The following CNTN1 variants were observed in gnomAD, a reference collection of about 807,000 sequenced individuals.
CNTN1 encodes the protein contactin-1.
CNTN1 carries 38 observed loss-of-function variants against 126.4 expected under a neutral mutation model. That is an observed-to-expected ratio of 0.30 (90% CI 0.23 to 0.39). The LOEUF is 0.39. Ranked by LOEUF, CNTN1 falls within the 10% of genes least tolerant of loss-of-function variation. The pLI, the probability that CNTN1 is intolerant of heterozygous loss-of-function variation, is 1.00. For missense variants in CNTN1, 1,009 were observed against 1,248.4 expected (o/e 0.81, Z 2.89); for synonymous variants, 413 against 422.6 (o/e 0.98, Z 0.28).
intron 1 of CNTN1, among the ~76,000 whole-genome samples, chr12:40,896,550 A>C (rs1944422000): frequency 6.6e-6 from 1 of 152,170 alleles, no homozygotes; most frequent in South Asian, 2.1e-4. Context: ...CTATGAACAT[A>C]GGCTCAGATT....
chr12:40,850,309 A>G (rs1359747854), intron 1 of CNTN1, among the ~76,000 whole-genome samples: 1 of 152,150 alleles, frequency 6.6e-6, no homozygotes, highest in East Asian at 1.9e-4. Flanking sequence ...AAGTTTCTAT[A>G]GACTAGGCCA....
chr12:40,889,829 A>G (rs1177708903), intron 1 of CNTN1, among the ~76,000 whole-genome samples: 1 of 152,188 alleles, frequency 6.6e-6, no homozygotes, highest in African/African-American at 2.4e-5. Context: ...GCCATTTATT[A>G]TCATTGGCAA....
chr12:40,871,857 G>A (rs1218455771), intron 1 of CNTN1, among the ~76,000 whole-genome samples: 2 of 151,962 alleles, frequency 1.3e-5, no homozygotes, highest in African/African-American at 4.8e-5. Context: ...AGATTTTTTG[G>A]CCAACTATGA....
intron 23 of CNTN1, among the ~76,000 whole-genome samples, chr12:41,054,588 C>T (rs2121054349): frequency 6.6e-6 from 1 of 152,090 alleles, no homozygotes; most frequent in East Asian, 1.9e-4. Context: ...CAGAACATAG[C>T]AGTTGCTCAA....
chr12:40,870,236 C>T (rs1443395459), intron 1 of CNTN1, among the ~76,000 whole-genome samples: 1 of 151,546 alleles, frequency 6.6e-6, no homozygotes, highest in African/African-American at 2.4e-5. Context: ...TTGACCAATA[C>T]ATACAGGTTC....
At position 41,016,679 on chromosome 12, in the gene CNTN1, T is replaced by A. The variant is rs748693151; in HGVS notation, c.2185-3T>A. On this transcript the variant is annotated splice_region_variant and splice_polypyrimidine_tract_variant and intron_variant, in intron 18 of 23. Transcript: ENST00000551295. Reference sequence around the variant, plus strand: ...CCTACTCAATCTTTTAATTTCTATTTAGCCTTTGTCAAGAGAATACCACTA... The same window carrying A: ...CCTACTCAATCTTTTAATTTCTATTAAGCCTTTGTCAAGAGAATACCACTA... 1 of 1,590,622 alleles carries A rather than the reference T, an allele frequency of 6.3e-7. No homozygotes were observed. The highest frequency in any genetic ancestry group is 1.1e-5 in the South Asian group (1 of 90,608).
At chr12:41,058,572 G>A (rs1350594376) in intron 23 of CNTN1, among the ~76,000 whole-genome samples, 1 of 152,086 alleles carries the variant, frequency 6.6e-6, no homozygotes, top group Non-Finnish European at 1.5e-5. Flanking sequence ...CTGCAAAAGT[G>A]ATGAAAGTTA....
At chr12:40,821,472 T>C (rs1387961929) in intron 1 of CNTN1, among the ~76,000 whole-genome samples, 4 of 152,224 alleles carry the variant, frequency 2.6e-5, no homozygotes, top group African/African-American at 4.8e-5. Flanking sequence ...CTTAAAAGAC[T>C]TTATGTTTTT....
chr12:40,912,986 G>A (rs1272704765), intron 3 of CNTN1, among the ~76,000 whole-genome samples: 1 of 152,188 alleles, frequency 6.6e-6, no homozygotes, highest in Non-Finnish European at 1.5e-5. Context: ...GCCCAGCCAG[G>A]TATGTAAAAC....
At chr12:40,790,638 G>A (rs181461615) in intron 1 of CNTN1, among the ~76,000 whole-genome samples, 3 of 152,138 alleles carry the variant, frequency 2.0e-5, no homozygotes, top group Non-Finnish European at 2.9e-5. Flanking sequence ...TAAACTGCAG[G>A]CAAGAAGGGT....
At chr12:40,822,158 T>TTTTTTTTTTTTTTTG (rs1941464480) in intron 1 of CNTN1, among the ~76,000 whole-genome samples, 1 of 124,600 alleles carries the variant, frequency 8.0e-6, no homozygotes, top group Non-Finnish European at 1.7e-5. Flanking sequence ...CTTTTTTTTT[T>TTTTTTTTTTTTTTTG]TTTTTTTTTT....
intron 1 of CNTN1, among the ~76,000 whole-genome samples, chr12:40,704,895 C>T (rs929778342): frequency 2.6e-5 from 4 of 152,130 alleles, no homozygotes; most frequent in East Asian, 1.9e-4. Flanking sequence ...ATTGCCATTG[C>T]TACTGACCTA....
chr12:40,922,128 C>A (rs1350325775), intron 4 of CNTN1, 128 bp from the exon 5 acceptor site: 1 of 770,966 alleles, frequency 1.3e-6, no homozygotes, highest in Non-Finnish European at 2.3e-6. Flanking sequence ...GAAATACCAC[C>A]TGAATCATAT....
At chr12:40,901,875 G>A (rs1035384578) in intron 1 of CNTN1, among the ~76,000 whole-genome samples, 4 of 152,164 alleles carry the variant, frequency 2.6e-5, no homozygotes, top group African/African-American at 4.8e-5. Context: ...CATTGTTAAT[G>A]ACTTCATAGA....
At chr12:40,943,845 C>A in intron 13 of CNTN1, 121 bp downstream of exon 13, 2 of 1,420,474 alleles carry the variant, frequency 1.4e-6, no homozygotes, top group Non-Finnish European at 1.9e-6. Context: ...AGGCAAGTTT[C>A]TTGCTTGATG....
chr12:41,023,015 G>A (rs1439685236), intron 20 of CNTN1, among the ~76,000 whole-genome samples: 1 of 152,040 alleles, frequency 6.6e-6, no homozygotes, highest in East Asian at 1.9e-4. Context: ...TCCTGTGACT[G>A]TGGCCGGTAG....
intron 17 of CNTN1, among the ~76,000 whole-genome samples, chr12:40,999,968 A>G (rs1028872978): frequency 6.6e-5 from 10 of 151,854 alleles, no homozygotes; most frequent in Admixed American, 4.6e-4. Flanking sequence ...AGCCTCCCAA[A>G]GTGCTAGATT....
At chr12:41,016,574 G>T in intron 18 of CNTN1, 108 bp from the exon 19 acceptor site, 1 of 738,980 alleles carries the variant, frequency 1.4e-6, no homozygotes, top group South Asian at 1.5e-5. Flanking sequence ...TATGAACTGT[G>T]TATGTTTTTA....
At chr12:41,017,917 C>A (rs1340230560) in intron 19 of CNTN1, among the ~76,000 whole-genome samples, 2 of 151,784 alleles carry the variant, frequency 1.3e-5, no homozygotes, top group Non-Finnish European at 2.9e-5. Flanking sequence ...CATGGAGAAA[C>A]CCTGTCTCTA....
Sources: allele counts gnomAD v4.1 joint callset (sites outside exome capture counted in the v4.1 genomes callset), GRCh38; gene constraint gnomAD v4.1.1; transcripts MANE v1.5; gene names NCBI Gene and HGNC (gene_info 2026-07-23, HGNC 2026-07-21).